The following TNKS variants were observed in gnomAD, a reference collection of about 807,000 sequenced individuals.
TNKS encodes poly [ADP-ribose] polymerase tankyrase-1.
Under a neutral mutation model 135.8 loss-of-function variants are expected in TNKS, and 72 were observed. That is an observed-to-expected ratio of 0.53 (90% confidence interval 0.44 to 0.64). The LOEUF (loss-of-function observed/expected upper bound fraction) is 0.64, where lower values mean the gene tolerates loss of function less well. TNKS is among the 30% of genes least tolerant of loss of function. The pLI is 0.00. For missense variants in TNKS, 1,769 were observed against 1,674.0 expected, an observed-to-expected ratio of 1.06 and a Z score of -0.99; for synonymous variants, 849 against 649.3, an observed-to-expected ratio of 1.31 and a Z score of -4.68.
At chr8:9,700,871 A>C (rs1803766687) in intron 5 of TNKS, among the ~76,000 whole-genome samples, 4 of 152,206 alleles carry the variant, frequency 2.6e-5, no homozygotes, top group Admixed American at 1.3e-4. Context: ...AAGCATTGTA[A>C]ATCTTACAAT....
intron 2 of TNKS, among the ~76,000 whole-genome samples, chr8:9,608,014 A>G (rs1293244456): frequency 1.3e-5 from 2 of 152,134 alleles, no homozygotes; most frequent in East Asian, 1.9e-4. Flanking sequence ...ATCATGGCTC[A>G]CTGCAGCCTT....
intron 5 of TNKS, among the ~76,000 whole-genome samples, chr8:9,702,243 T>G (rs1405124794): frequency 1.3e-5 from 2 of 152,174 alleles, no homozygotes; most frequent in Non-Finnish European, 2.9e-5. Flanking sequence ...TTTCCAAATT[T>G]AGTGAAAACT....
chr8:9,605,573 T>A (rs1251556967), intron 2 of TNKS, among the ~76,000 whole-genome samples: 1 of 152,112 alleles, frequency 6.6e-6, no homozygotes, highest in African/African-American at 2.4e-5. Flanking sequence ...CTAAACTGAT[T>A]TCCAAAATGG....
At chr8:9,659,200 T>A (rs1348576255) in intron 3 of TNKS, among the ~76,000 whole-genome samples, 5 of 152,090 alleles carry the variant, frequency 3.3e-5, no homozygotes, top group Non-Finnish European at 7.3e-5. Context: ...AACAAAGATA[T>A]CCAGGAGTTG....
At position 9,734,862 on chromosome 8, in the gene TNKS, T is replaced by C; in HGVS notation, c.2314-3T>C. The C allele has an allele frequency of 1.2e-6, 2 of 1,610,990 alleles. No homozygotes were observed. Among genetic ancestry groups the C allele is most frequent in the Non-Finnish European group, 1.7e-6 (2 of 1,178,540 alleles). On this transcript the variant is annotated splice_region_variant and splice_polypyrimidine_tract_variant and intron_variant, in intron 15 of 26. Transcript: ENST00000310430. ...AACCCCATTTGGTTTTTCTTCTTTG[T>C]AGCATGGAGCAGATCCAACTAAAAA... is the stretch of plus-strand genomic sequence containing the variant.
At chr8:9,682,144 A>G (rs532922472) in intron 5 of TNKS, among the ~76,000 whole-genome samples, 83 of 152,248 alleles carry the variant, frequency 5.5e-4, no homozygotes, top group African/African-American at 1.9e-3. Context: ...GGATTCTCCA[A>G]GTAGATAAAG....
intron 1 of TNKS, among the ~76,000 whole-genome samples, chr8:9,576,195 C>T (rs1460636734): frequency 6.6e-6 from 1 of 152,232 alleles, no homozygotes; most frequent in African/African-American, 2.4e-5. Context: ...TATTTCCTGC[C>T]CAATTCCCGA....
rs2128847331 is a variant in TNKS at position 9,780,121 on chromosome 8, A to T, written c.*3385A>T. On this transcript the variant is annotated 3_prime_UTR_variant, in exon 27 of 27. Coordinates refer to ENST00000310430, the MANE Select transcript of TNKS (RefSeq NM_003747.3). The stretch of plus-strand genomic sequence containing the variant: ...ATATATGCCGGAGAACGGCATTAGA[A>T]TGCAATAAGTTGTCTAGGTTTTTCT... 6.6e-6 allele frequency: 1 copy of T among 152,356 alleles called. No homozygotes were observed. Among genetic ancestry groups the T allele is most frequent in the South Asian group, 2.1e-4 (1 of 4,828 alleles). 9.4% of individuals were successfully genotyped at this position (152,356 alleles called of 1,614,324 possible).
At chr8:9,659,175 A>G (rs891658111) in intron 3 of TNKS, among the ~76,000 whole-genome samples, 3 of 152,220 alleles carry the variant, frequency 2.0e-5, no homozygotes, top group African/African-American at 7.2e-5. Flanking sequence ...AGACAGATCA[A>G]GAAGACAGAA....
intron 17 of TNKS, among the ~76,000 whole-genome samples, chr8:9,747,242 C>G (rs1377906933): frequency 6.6e-6 from 1 of 151,890 alleles, no homozygotes; most frequent in Non-Finnish European, 1.5e-5. Flanking sequence ...TTCTAATCTT[C>G]CAGATTCCCC....
rs114748656 is a variant in TNKS at position 9,711,551 on chromosome 8, G to C, written c.1749+1331G>C. ...TTTTATAGTGTAAAAAGGTGGTCTG[G>C]TTATTTTGTGAAGTAGTATTTTAAG... On this transcript the variant is annotated intron_variant, in intron 11 of 26. Coordinates refer to ENST00000310430, the MANE Select transcript of TNKS (RefSeq NM_003747.3). Among the ~76,000 whole-genome samples, 343 of 152,294 alleles carry C rather than the reference G, an allele frequency of 2.3e-3. 1 individual carries two copies. Among genetic ancestry groups the C allele is most frequent in the African/African-American group, 7.7e-3 (319 of 41,568 alleles).
At chr8:9,664,377 C>T (rs547587688) in intron 3 of TNKS, among the ~76,000 whole-genome samples, 5 of 152,282 alleles carry the variant, frequency 3.3e-5, no homozygotes, top group African/African-American at 1.2e-4. Flanking sequence ...CACTTCCTCC[C>T]CGTGCACCTT....
intron 3 of TNKS, among the ~76,000 whole-genome samples, chr8:9,637,921 T>C (rs1266395070): frequency 6.6e-6 from 1 of 152,192 alleles, no homozygotes; most frequent in African/African-American, 2.4e-5. Context: ...AAGGTTATAC[T>C]TTAATGTGTG....
chr8:9,781,305 T>C lies in TNKS; in HGVS notation c.*4569T>C, dbSNP rs1185083359. 6.6e-6 allele frequency: 1 copy of C among 152,240 alleles called. No individual in the cohort carries two copies. Among genetic ancestry groups the C allele is most frequent in the African/African-American group, 2.4e-5 (1 of 41,456 alleles). The allele number at this position is 152,240 out of a possible 1,614,324, so 9.4% of individuals were successfully genotyped here. A position where few individuals can be genotyped will look rare whatever the true frequency, so the allele number is the denominator to read the frequency against. ...TTCTGTGATTTCTTTTACATCAGTC[T>C]ACCCATTTCTGCAGGCAGCCCTGAA... On this transcript the variant is annotated 3_prime_UTR_variant, in exon 27 of 27. Coordinates refer to ENST00000310430, the MANE Select transcript of TNKS (RefSeq NM_003747.3).
At chr8:9,597,232 TA>T (rs1197086219) in intron 2 of TNKS, among the ~76,000 whole-genome samples, 1 of 152,230 alleles carries the variant, frequency 6.6e-6, no homozygotes, top group African/African-American at 2.4e-5. Flanking sequence ...ATAAAATTTT[TA>T]TGGGAAGTTA....
intron 5 of TNKS, among the ~76,000 whole-genome samples, chr8:9,681,758 T>G (rs1433505029): frequency 6.6e-6 from 1 of 152,166 alleles, no homozygotes; most frequent in African/African-American, 2.4e-5. Flanking sequence ...TACTTTTCTG[T>G]GAGTGATAAT....
chr8:9,721,853 A>T (rs1804899121), intron 12 of TNKS, among the ~76,000 whole-genome samples: 1 of 149,498 alleles, frequency 6.7e-6, no homozygotes, highest in Non-Finnish European at 1.5e-5. Context: ...GGAGTTCCAG[A>T]CCACCTTGGC....
intron 3 of TNKS, among the ~76,000 whole-genome samples, chr8:9,651,835 C>G (rs969501158): frequency 7.2e-5 from 11 of 152,164 alleles, no homozygotes; most frequent in African/African-American, 2.7e-4. Flanking sequence ...ATTTAACATA[C>G]TGCTGATCCT....
At chr8:9,606,382 G>A (rs1799221948) in intron 2 of TNKS, among the ~76,000 whole-genome samples, 1 of 151,918 alleles carries the variant, frequency 6.6e-6, no homozygotes, top group South Asian at 2.1e-4. Flanking sequence ...AAAGTAGCTA[G>A]TTTAACTTGC....
Sources: gnomAD v4.1 joint callset for allele counts (sites outside exome capture counted in the v4.1 genomes callset) on GRCh38, gnomAD v4.1.1 for gene constraint, MANE v1.5 for transcripts, NCBI Gene and HGNC (gene_info 2026-07-23, HGNC 2026-07-21) for gene names.